Variants in NTRK3 observed in about 807,000 individuals in gnomAD.
The protein encoded by NTRK3 is NT-3 growth factor receptor.
NTRK3 carries 24 observed loss-of-function variants against 91.7 expected under a neutral mutation model. That is an observed-to-expected ratio of 0.26 (90% CI 0.19 to 0.37). The LOEUF (loss-of-function observed/expected upper bound fraction) is 0.37, where lower values mean the gene tolerates loss of function less well. Among genes scored for constraint, NTRK3 ranks in the 10% least tolerant of loss-of-function variants. The pLI is 1.00. For synonymous variants in NTRK3, 483 were observed against 404.0 expected, an observed-to-expected ratio of 1.20 and a Z score of -2.34; for missense variants, 880 against 1,068.9, an observed-to-expected ratio of 0.82 and a Z score of 2.46.
chr15:88,216,460 G>A (rs1174580135), intron 3 of NTRK3, among the ~76,000 whole-genome samples: 4 of 152,176 alleles, frequency 2.6e-5, no homozygotes, highest in Admixed American at 2.6e-4. Context: ...TACTCAAATA[G>A]CTCTCCCTGG....
chr15:87,877,003 T>C (rs2141435857), exon 19 of NTRK3: 2 of 1,613,902 alleles, frequency 1.2e-6, no homozygotes, highest in Non-Finnish European at 1.7e-6. Flanking sequence ...TAGATCTCCT[T>C]GATGTTCAAC....
At chr15:88,206,803 C>A (rs1237073219) in intron 3 of NTRK3, among the ~76,000 whole-genome samples, 1 of 152,198 alleles carries the variant, frequency 6.6e-6, no homozygotes, top group East Asian at 1.9e-4. Flanking sequence ...CCACCTCGGC[C>A]ATAGCCCTGC....
In NTRK3 at chr15:87,912,934, ATATAT is replaced by A. The variant is rs2067195232; in HGVS notation, c.2133+16252_2133+16256del. 7.4e-4 allele frequency among the ~76,000 whole-genome samples: 16 copies of A among 21,730 alleles called. No homozygotes were observed. In the East Asian group the frequency reaches 0.015, roughly 21 times the overall value. 14.3% of individuals were successfully genotyped at this position (21,730 alleles called of 152,430 possible). ...AACTTTTCAAAAAGTAAAAAAAAAT[ATATAT>A]ATATATATATATATATATATATATA... On this transcript the variant is annotated intron_variant, in intron 17 of 18. Transcript: ENST00000394480.
At chr15:88,239,579 C>CT (rs1398330662) in intron 3 of NTRK3, among the ~76,000 whole-genome samples, 2 of 152,096 alleles carry the variant, frequency 1.3e-5, no homozygotes, top group Admixed American at 6.5e-5. Context: ...AAGTCCAGCC[C>CT]TTAGGGAAAG....
At chr15:88,115,970 A>C (rs746816344) in intron 13 of NTRK3, among the ~76,000 whole-genome samples, 1 of 151,940 alleles carries the variant, frequency 6.6e-6, no homozygotes, top group Non-Finnish European at 1.5e-5. Context: ...TGGGAGGGAG[A>C]GCAAACAGGA....
intron 14 of NTRK3, among the ~76,000 whole-genome samples, chr15:87,973,156 A>G: frequency 6.6e-6 from 1 of 152,172 alleles, no homozygotes; most frequent in East Asian, 1.9e-4. Flanking sequence ...AGGCACAAAC[A>G]CCCAGATATT....
chr15:88,227,219 T>G (rs1414668102), intron 3 of NTRK3, among the ~76,000 whole-genome samples: 1 of 152,156 alleles, frequency 6.6e-6, no homozygotes, highest in Non-Finnish European at 1.5e-5. Context: ...CCACTGGCTC[T>G]TCCTTTGTGC....
exon 19 of NTRK3, chr15:87,876,819 G>T: frequency 8.1e-7 from 1 of 1,238,198 alleles, no homozygotes. Flanking sequence ...AGGCACTTGA[G>T]TTTATATGAA....
chr15:88,225,769 G>A (rs549862433), intron 3 of NTRK3, among the ~76,000 whole-genome samples: 8 of 152,268 alleles, frequency 5.3e-5, no homozygotes, highest in East Asian at 1.9e-4. Context: ...TCAGGGAGCC[G>A]ACAGCCCCGT....
At chr15:87,924,626 G>A (rs1267294830) in intron 17 of NTRK3, among the ~76,000 whole-genome samples, 2 of 152,136 alleles carry the variant, frequency 1.3e-5, no homozygotes, top group African/African-American at 2.4e-5. Context: ...GATTAGATAA[G>A]ACTTGCTCCT....
chr15:88,236,186 A>C (rs2051712447), intron 3 of NTRK3, among the ~76,000 whole-genome samples: 1 of 152,202 alleles, frequency 6.6e-6, no homozygotes. Flanking sequence ...CCAAAACTAG[A>C]AACAACCAAA....
At chr15:88,056,303 T>C (rs2045688426) in intron 13 of NTRK3, among the ~76,000 whole-genome samples, 1 of 151,354 alleles carries the variant, frequency 6.6e-6, no homozygotes, top group African/African-American at 2.4e-5. Flanking sequence ...TAGCCAATGA[T>C]TCATGCAGAG....
At chr15:88,211,781 C>G (rs2049268444) in intron 3 of NTRK3, among the ~76,000 whole-genome samples, 1 of 152,064 alleles carries the variant, frequency 6.6e-6, no homozygotes. Context: ...GACACTAGAT[C>G]CAGAAAAGAA....
intron 14 of NTRK3, among the ~76,000 whole-genome samples, chr15:88,008,872 G>A (rs995923662): frequency 6.6e-6 from 1 of 152,176 alleles, no homozygotes; most frequent in Non-Finnish European, 1.5e-5. Flanking sequence ...TCTCCCTGCT[G>A]GAAGATTCCC....
At chr15:88,168,988 G>A (rs769086091) in intron 5 of NTRK3, among the ~76,000 whole-genome samples, 1 of 152,240 alleles carries the variant, frequency 6.6e-6, no homozygotes, top group African/African-American at 2.4e-5. Flanking sequence ...CGAGTCAGAG[G>A]CTGCATGAAA....
At chr15:88,069,109 C>T (rs2349585) in intron 13 of NTRK3, among the ~76,000 whole-genome samples, 51,520 of 151,976 alleles carry the variant, frequency 0.34, 9,299 homozygotes, top group Non-Finnish European at 0.41. Flanking sequence ...ATCAACATTG[C>T]AGCCTCAGAT....
intron 17 of NTRK3, among the ~76,000 whole-genome samples, chr15:87,903,991 T>TA (rs2066602442): frequency 6.6e-6 from 1 of 152,164 alleles, no homozygotes; most frequent in South Asian, 2.1e-4. Flanking sequence ...AAGCTTGTCT[T>TA]ATGCTCTCCT....
intron 5 of NTRK3, among the ~76,000 whole-genome samples, chr15:88,180,976 C>T (rs1567596460): frequency 6.6e-6 from 1 of 152,162 alleles, no homozygotes; most frequent in African/African-American, 2.4e-5. Flanking sequence ...CCTATTGACT[C>T]GTCTCTCTGC....
chr15:88,166,610 G>A (rs149628531), intron 5 of NTRK3, among the ~76,000 whole-genome samples: 2 of 152,146 alleles, frequency 1.3e-5, no homozygotes, highest in African/African-American at 4.8e-5. Context: ...AAGCAAAAAT[G>A]GTAGTATCAG....
Sources: gnomAD v4.1 joint callset for allele counts (sites outside exome capture counted in the v4.1 genomes callset) on GRCh38, gnomAD v4.1.1 for gene constraint, MANE v1.5 for transcripts, NCBI Gene and HGNC (gene_info 2026-07-23, HGNC 2026-07-21) for gene names.